Variants in UBE2F observed in about 807,000 individuals in gnomAD.
The protein encoded by UBE2F is NEDD8-conjugating enzyme UBE2F.
UBE2F carries 5 observed loss-of-function variants against 29.6 expected under a neutral mutation model. That is an observed-to-expected ratio of 0.17 (90% CI 0.09 to 0.36). The LOEUF is 0.36. UBE2F is among the 10% of genes least tolerant of loss of function. UBE2F has a pLI of 1.00. For synonymous variants in UBE2F, 66 were observed against 81.8 expected (o/e 0.81, Z 1.04); for missense variants, 141 against 228.5 (o/e 0.62, Z 2.47).
chr2:237,984,418 G>C (rs964777913), intron 2 of UBE2F, among the ~76,000 whole-genome samples: 1 of 152,224 alleles, frequency 6.6e-6, no homozygotes, highest in African/African-American at 2.4e-5. Flanking sequence ...TGGGACCTTT[G>C]TTCTGGCCAC....
chr2:238,024,457 C>T (rs2064367700), intron 5 of UBE2F, among the ~76,000 whole-genome samples: 1 of 152,056 alleles, frequency 6.6e-6, no homozygotes, highest in African/African-American at 2.4e-5. Flanking sequence ...GTGATTTTCC[C>T]ACCTCAGCCT....
chr2:238,025,622 TG>T (rs1205623915), intron 6 of UBE2F, among the ~76,000 whole-genome samples: 1 of 152,170 alleles, frequency 6.6e-6, no homozygotes, highest in Non-Finnish European at 1.5e-5. Context: ...CTTGGCCCTC[TG>T]GGGGCCACAG....
intron 4 of UBE2F, among the ~76,000 whole-genome samples, chr2:238,012,571 A>G (rs1414143908): frequency 6.6e-6 from 1 of 152,200 alleles, no homozygotes; most frequent in East Asian, 1.9e-4. Context: ...CAAAGCTTGG[A>G]GCTCCAGATT....
rs139270010 is a variant in UBE2F, at chr2:237,981,614, CTTTTTTTTTTT to C, written c.119-6329_119-6319del. Reference sequence around the variant, plus strand: ...TGATGCTCATCTTGGAATTTGAATTCTTTTTTTTTTTTTTTTTTTTTTTTTTTTTTGAGACA... The same window carrying C: ...TGATGCTCATCTTGGAATTTGAATTCTTTTTTTTTTTTTTTTTTTGAGACA... On this transcript the variant is annotated intron_variant, in intron 2 of 9. Transcript: ENST00000272930. Among the ~76,000 whole-genome samples the C allele has an allele frequency of 7.7e-3, 483 of 62,410 alleles. 8 individuals are homozygous for C. Among genetic ancestry groups the C allele is most frequent in the African/African-American group, 0.029 (460 of 15,730 alleles). 40.9% of individuals were successfully genotyped at this position (62,410 alleles called of 152,430 possible). A position where few individuals can be genotyped will look rare whatever the true frequency, so the allele number is the denominator to read the frequency against.
At chr2:238,038,800 C>G (rs1261854352) in intron 9 of UBE2F, among the ~76,000 whole-genome samples, 1 of 152,236 alleles carries the variant, frequency 6.6e-6, no homozygotes, top group Non-Finnish European at 1.5e-5. Flanking sequence ...GCACCGCATC[C>G]TTATGTCCAC....
At chr2:238,030,681 C>A (rs2064553322) in intron 7 of UBE2F, 68 bp downstream of exon 7, 3 of 1,202,158 alleles carry the variant, frequency 2.5e-6, no homozygotes, top group African/African-American at 1.6e-5. Flanking sequence ...TAGCCAGCCT[C>A]CCGAGAAAGC....
chr2:238,005,957 A>G (rs1216979538), intron 4 of UBE2F, among the ~76,000 whole-genome samples: 1 of 152,166 alleles, frequency 6.6e-6, no homozygotes, highest in Non-Finnish European at 1.5e-5. Context: ...ACTTGCTGAG[A>G]TTTTGATTAG....
intron 3 of UBE2F, among the ~76,000 whole-genome samples, chr2:237,992,608 A>G (rs1031292258): frequency 1.3e-5 from 2 of 152,226 alleles, no homozygotes; most frequent in Non-Finnish European, 2.9e-5. Context: ...ATGTCTTAAC[A>G]TGGTCATTAA....
intron 2 of UBE2F, among the ~76,000 whole-genome samples, chr2:237,976,774 C>T (rs1015708924): frequency 2.0e-5 from 3 of 152,124 alleles, no homozygotes; most frequent in Admixed American, 1.3e-4. Context: ...TGGCCCCATT[C>T]GAGCCATAGT....
At chr2:238,024,568 C>G (rs573411294) in intron 5 of UBE2F, among the ~76,000 whole-genome samples, 11 of 152,118 alleles carry the variant, frequency 7.2e-5, no homozygotes, top group African/African-American at 2.6e-4. Flanking sequence ...AATCTTAAAC[C>G]CTTGGCCTCA....
chr2:238,028,970 T>A (rs2064502310), intron 6 of UBE2F: 1 of 152,178 alleles, frequency 6.6e-6, no homozygotes, highest in Admixed American at 6.5e-5. Context: ...TAAAATTATT[T>A]AAAATTTTTT....
chr2:237,990,462 G>A (rs1170819964), intron 3 of UBE2F: 1 of 446,590 alleles, frequency 2.2e-6, no homozygotes, highest in East Asian at 7.2e-5. Context: ...GAGTACAGTG[G>A]CATGAGTGTG....
intron 1 of UBE2F, among the ~76,000 whole-genome samples, chr2:237,968,178 G>T (rs1003302978): frequency 2.0e-5 from 3 of 152,090 alleles, no homozygotes; most frequent in African/African-American, 7.2e-5. Flanking sequence ...TGAGATGAAG[G>T]CAAGGGGGAG....
intron 1 of UBE2F, among the ~76,000 whole-genome samples, chr2:237,970,482 CTG>C (rs893316946): frequency 5.3e-5 from 8 of 152,218 alleles, no homozygotes; most frequent in African/African-American, 1.7e-4. Context: ...TTCTGGGCCT[CTG>C]TTGTCCTGGG....
chr2:237,994,694 T>C (rs779058014), intron 3 of UBE2F, 50 bp from the exon 4 acceptor site: 14 of 1,466,334 alleles, frequency 9.5e-6, no homozygotes, highest in African/African-American at 6.9e-5. Context: ...CGTCAACATA[T>C]GGACTGCTGC....
intron 1 of UBE2F, 53 bp from the exon 2 acceptor site, chr2:237,973,039 A>C: frequency 6.5e-7 from 1 of 1,533,600 alleles, no homozygotes; most frequent in Non-Finnish European, 8.8e-7. Context: ...CTCAGTGTCT[A>C]ATTAGTCTCT....
chr2:238,015,963 G>T (rs918632936), intron 4 of UBE2F, among the ~76,000 whole-genome samples: 4 of 152,118 alleles, frequency 2.6e-5, no homozygotes, highest in Non-Finnish European at 5.9e-5. Context: ...GCAATGTGGT[G>T]ATGCTCAGAC....
At chr2:238,021,969 T>C (rs2106391442) in intron 5 of UBE2F, among the ~76,000 whole-genome samples, 1 of 152,316 alleles carries the variant, frequency 6.6e-6, no homozygotes, top group East Asian at 1.9e-4. Context: ...ATGCTCCATT[T>C]TAAGGTTCTG....
Position 238,038,130 on chromosome 2 carries a change from C to T in UBE2F, c.507+2190C>T, listed in dbSNP as rs562469633. On this transcript the variant is annotated intron_variant, in intron 9 of 9. Transcript: ENST00000272930. ...TCCGACAGGGAGGCAAGAGAAGTGC[C>T]ACCCAGCATGCATCCTGCTCAGACT... is the stretch of plus-strand genomic sequence containing the variant. Among the ~76,000 whole-genome samples the T allele has an allele frequency of 1.1e-4, 16 of 152,352 alleles. No homozygotes were observed. In the South Asian group the frequency reaches 3.3e-3, roughly 32 times the overall value.
Sources: gnomAD v4.1 joint callset for allele counts (sites outside exome capture counted in the v4.1 genomes callset) on GRCh38, gnomAD v4.1.1 for gene constraint, MANE v1.5 for transcripts, NCBI Gene and HGNC (gene_info 2026-07-23, HGNC 2026-07-21) for gene names.